The following BBS9 variants were observed in gnomAD, a reference collection of about 807,000 sequenced individuals.
BBS9 encodes the protein Bardet-Biedl syndrome 9.
BBS9 carries 89 observed loss-of-function variants against 117.7 expected under a neutral mutation model. The observed-to-expected ratio is 0.76, with a 90% CI of 0.64 to 0.90. The LOEUF (loss-of-function observed/expected upper bound fraction) is 0.90. Among genes scored for constraint, BBS9 ranks in the 40% least tolerant of loss-of-function variants. The probability of loss-of-function intolerance (pLI) is 0.00; values close to 1 mark genes in which losing one functional copy is unlikely to be tolerated. For synonymous variants in BBS9, 379 were observed against 370.9 expected (o/e 1.02, Z -0.25); for missense variants, 982 against 1,042.2 (o/e 0.94, Z 0.80).
chr7:33,565,066 A>G (rs997215623), intron 21 of BBS9, among the ~76,000 whole-genome samples: 2 of 152,186 alleles, frequency 1.3e-5, no homozygotes, highest in African/African-American at 4.8e-5. Flanking sequence ...CTTTGGTGTC[A>G]TTTCTAAAAT....
At chr7:33,510,161 A>C (rs1438332631) in intron 20 of BBS9, among the ~76,000 whole-genome samples, 7 of 152,274 alleles carry the variant, frequency 4.6e-5, no homozygotes, top group African/African-American at 1.7e-4. Context: ...ATGATAAAGA[A>C]GTGTCACCCA....
intron 19 of BBS9, among the ~76,000 whole-genome samples, chr7:33,440,788 A>G (rs1486375660): frequency 6.6e-6 from 1 of 152,220 alleles, no homozygotes; most frequent in Non-Finnish European, 1.5e-5. Context: ...AGCTCATATG[A>G]AGCATAAGAT....
chr7:33,504,465 C>A (rs1026809091), intron 19 of BBS9, among the ~76,000 whole-genome samples: 8 of 152,018 alleles, frequency 5.3e-5, no homozygotes, highest in Non-Finnish European at 1.0e-4. Flanking sequence ...CCTTTGGGCC[C>A]GTGTCAATAA....
chr7:33,456,410 A>G (rs1057276629), intron 19 of BBS9, among the ~76,000 whole-genome samples: 2 of 152,198 alleles, frequency 1.3e-5, no homozygotes, highest in African/African-American at 4.8e-5. Flanking sequence ...GGTAGATAAT[A>G]AAAGAAATAA....
intron 5 of BBS9, among the ~76,000 whole-genome samples, chr7:33,190,494 T>A (rs1167984867): frequency 6.6e-6 from 1 of 152,220 alleles, no homozygotes; most frequent in East Asian, 1.9e-4. Context: ...ACTCCCTTGG[T>A]TGCAACTAAC....
intron 21 of BBS9, among the ~76,000 whole-genome samples, chr7:33,624,903 CT>C (rs1286284603): frequency 6.6e-6 from 1 of 152,150 alleles, no homozygotes; most frequent in Non-Finnish European, 1.5e-5. Flanking sequence ...ACAGGTTATC[CT>C]TTCAACGATT....
intron 21 of BBS9, among the ~76,000 whole-genome samples, chr7:33,628,061 G>A (rs7809230): frequency 0.18 from 27,573 of 152,078 alleles, 3,205 homozygotes; most frequent in East Asian, 0.36. Context: ...GTCTCAGATG[G>A]CAAATTCACT....
At chr7:33,566,459 AC>A (rs1856946360) in intron 21 of BBS9, among the ~76,000 whole-genome samples, 1 of 152,048 alleles carries the variant, frequency 6.6e-6, no homozygotes, top group African/African-American at 2.4e-5. Flanking sequence ...TTTGGGAGTA[AC>A]ATCACCCTTA....
intron 5 of BBS9, among the ~76,000 whole-genome samples, chr7:33,239,408 T>C (rs2128280035): frequency 6.6e-6 from 1 of 152,066 alleles, no homozygotes; most frequent in Middle Eastern, 3.4e-3. Flanking sequence ...TGGTGGGTTA[T>C]CTTTTTAACT....
intron 19 of BBS9, among the ~76,000 whole-genome samples, chr7:33,458,733 T>G (rs925194655): frequency 2.0e-5 from 3 of 152,152 alleles, no homozygotes; most frequent in Non-Finnish European, 4.4e-5. Flanking sequence ...TCTTTTCAAA[T>G]GTTATGGAAG....
chr7:33,391,011 A>G (rs775780565), intron 19 of BBS9, among the ~76,000 whole-genome samples: 12 of 152,192 alleles, frequency 7.9e-5, no homozygotes, highest in Non-Finnish European at 1.5e-4. Context: ...AGTCTGTAGT[A>G]TGGACAATCA....
At chr7:33,401,933 T>C (rs1288979668) in intron 19 of BBS9, among the ~76,000 whole-genome samples, 2 of 152,178 alleles carry the variant, frequency 1.3e-5, no homozygotes, top group African/African-American at 4.8e-5. Context: ...TATAATATCA[T>C]GTGATGTTAT....
intron 19 of BBS9, among the ~76,000 whole-genome samples, chr7:33,407,025 AT>A (rs1563132119): frequency 6.6e-5 from 10 of 151,794 alleles, no homozygotes; most frequent in African/African-American, 2.4e-4. Flanking sequence ...TATCCTGCAG[AT>A]GTTTTCCAAG....
At chr7:33,344,281 C>T (rs953336653) in intron 11 of BBS9, among the ~76,000 whole-genome samples, 23 of 151,392 alleles carry the variant, frequency 1.5e-4, no homozygotes, top group African/African-American at 5.6e-4. Flanking sequence ...CGGGGTTTCA[C>T]GGTGGTCTCG....
chr7:33,369,638 C>A (rs965132576), intron 17 of BBS9, among the ~76,000 whole-genome samples: 3 of 152,106 alleles, frequency 2.0e-5, no homozygotes, highest in Non-Finnish European at 4.4e-5. Context: ...TACAGTGACA[C>A]ACAGAATCCT....
chr7:33,346,593 A>G (rs1210206247), intron 12 of BBS9, among the ~76,000 whole-genome samples: 1 of 152,208 alleles, frequency 6.6e-6, no homozygotes, highest in Non-Finnish European at 1.5e-5. Flanking sequence ...TTTTGGCTCA[A>G]ACACAACTAT....
intron 21 of BBS9, among the ~76,000 whole-genome samples, chr7:33,536,600 C>G (rs1004614187): frequency 6.9e-6 from 1 of 145,194 alleles, no homozygotes; most frequent in Non-Finnish European, 1.5e-5. Flanking sequence ...GTGCTTCCCT[C>G]TAGACCACAC....
chr7:33,314,410 T>G (rs1810016882), intron 9 of BBS9: 7 of 289,442 alleles, frequency 2.4e-5, no homozygotes, highest in South Asian at 2.2e-4. Flanking sequence ...ATTATTTGCA[T>G]AGTCTTTTGG....
intron 4 of BBS9, among the ~76,000 whole-genome samples, chr7:33,176,020 T>C (rs1797284178): frequency 6.6e-6 from 1 of 152,074 alleles, no homozygotes; most frequent in Non-Finnish European, 1.5e-5. Flanking sequence ...TTTGTTATGG[T>C]GATTTAAGTT....
Sources: gnomAD v4.1 joint callset for allele counts (sites outside exome capture counted in the v4.1 genomes callset) on GRCh38, gnomAD v4.1.1 for gene constraint, MANE v1.5 for transcripts, NCBI Gene and HGNC (gene_info 2026-07-23, HGNC 2026-07-21) for gene names.